Variants in RANBP17 observed in about 807,000 individuals in gnomAD.
The protein encoded by RANBP17 is RAN binding protein 17.
A neutral mutation model predicts 141.2 loss-of-function variants in RANBP17; 158 were observed. The observed-to-expected ratio is 1.12, with a 90% CI of 0.98 to 1.28. The LOEUF is 1.28. RANBP17 is among the 50% of genes most tolerant of loss of function. The pLI, the probability that RANBP17 is intolerant of heterozygous loss-of-function variation, is 0.00. For synonymous variants in RANBP17, 430 were observed against 450.0 expected, an observed-to-expected ratio of 0.96 and a Z score of 0.56; for missense variants, 1,438 against 1,290.7, an observed-to-expected ratio of 1.11 and a Z score of -1.75.
At chr5:170,955,507 A>G (rs868611801) in intron 13 of RANBP17, among the ~76,000 whole-genome samples, 10 of 122,440 alleles carry the variant, frequency 8.2e-5, no homozygotes, top group East Asian at 4.8e-4. Context: ...ATATATATAT[A>G]TGTATATATA....
intron 3 of RANBP17, among the ~76,000 whole-genome samples, chr5:170,890,155 A>G (rs149285689): frequency 0.012 from 1,779 of 152,270 alleles, 32 homozygotes; most frequent in African/African-American, 0.041. Flanking sequence ...CCTAGTGGTC[A>G]CTACTACCCA....
At chr5:171,105,325 T>G (rs1754730536) in intron 14 of RANBP17, among the ~76,000 whole-genome samples, 1 of 128,810 alleles carries the variant, frequency 7.8e-6, no homozygotes, top group South Asian at 2.5e-4. Flanking sequence ...GAGCTTGCAG[T>G]GAGCCGAGAT....
At chr5:170,905,299 A>G (rs1342173507) in intron 5 of RANBP17, among the ~76,000 whole-genome samples, 1 of 152,136 alleles carries the variant, frequency 6.6e-6, no homozygotes, top group Non-Finnish European at 1.5e-5. Context: ...AGAGGAATGT[A>G]GTGTTTAAAA....
At chr5:170,955,588 A>ATATATATATATATATATGCTCAGTG (rs1775594493) in intron 13 of RANBP17, among the ~76,000 whole-genome samples, 2 of 74,870 alleles carry the variant, frequency 2.7e-5, no homozygotes, top group African/African-American at 1.2e-4. Flanking sequence ...GTGTGTATAT[A>ATATATATATATATATATGCTCAGTG]TATATATATA....
chr5:171,018,588 A>G (rs1265989855), intron 14 of RANBP17, among the ~76,000 whole-genome samples: 1 of 152,126 alleles, frequency 6.6e-6, no homozygotes, highest in Non-Finnish European at 1.5e-5. Context: ...AATGCCTGTG[A>G]TTTTTGCACA....
At chr5:171,152,535 T>G (rs908584936) in intron 14 of RANBP17, among the ~76,000 whole-genome samples, 12 of 152,162 alleles carry the variant, frequency 7.9e-5, no homozygotes, top group Non-Finnish European at 1.5e-4. Flanking sequence ...TTCTTCCCAC[T>G]TAGAAATCTC....
chr5:170,880,788 T>C (rs571319700), intron 2 of RANBP17, among the ~76,000 whole-genome samples: 1 of 152,340 alleles, frequency 6.6e-6, no homozygotes, highest in South Asian at 2.1e-4. Flanking sequence ...TTGAAGTCCA[T>C]TTTTATCTTT....
intron 14 of RANBP17, among the ~76,000 whole-genome samples, chr5:171,077,072 A>G (rs1163929995): frequency 6.6e-6 from 1 of 152,044 alleles, no homozygotes; most frequent in Non-Finnish European, 1.5e-5. Flanking sequence ...GGGCGCATTG[A>G]CTCACCCCTG....
intron 14 of RANBP17, among the ~76,000 whole-genome samples, chr5:171,114,784 T>G (rs1249503724): frequency 6.6e-6 from 1 of 151,112 alleles, no homozygotes; most frequent in African/African-American, 2.4e-5. Flanking sequence ...GCTTAAGTAC[T>G]AGGGACACAG....
chr5:171,082,215 A>C (rs1785297106), intron 14 of RANBP17, among the ~76,000 whole-genome samples: 1 of 144,948 alleles, frequency 6.9e-6, no homozygotes, highest in Non-Finnish European at 1.5e-5. Flanking sequence ...TTTTTCATTA[A>C]AATACACACA....
chr5:170,974,913 A>T (rs1203970702), intron 14 of RANBP17, among the ~76,000 whole-genome samples: 1 of 152,044 alleles, frequency 6.6e-6, no homozygotes, highest in Non-Finnish European at 1.5e-5. Context: ...TCCTGTGAGT[A>T]CCCATGGCCC....
At chr5:170,921,695 T>C (rs972052831) in intron 11 of RANBP17, among the ~76,000 whole-genome samples, 1 of 152,178 alleles carries the variant, frequency 6.6e-6, no homozygotes, top group Non-Finnish European at 1.5e-5. Context: ...GCCATTTTCA[T>C]GATATTGATT....
At chr5:171,235,865 A>T (rs1764510926) in intron 22 of RANBP17, among the ~76,000 whole-genome samples, 1 of 152,182 alleles carries the variant, frequency 6.6e-6, no homozygotes, top group African/African-American at 2.4e-5. Context: ...AAGTGCTGGG[A>T]TTACAGATGC....
At chr5:171,056,952 T>C (rs572354471) in intron 14 of RANBP17, among the ~76,000 whole-genome samples, 1 of 152,306 alleles carries the variant, frequency 6.6e-6, no homozygotes, top group Non-Finnish European at 1.5e-5. Flanking sequence ...CATTTTTTAA[T>C]ATAACATGAA....
At chr5:171,230,199 A>G (rs1764126717) in intron 22 of RANBP17, among the ~76,000 whole-genome samples, 1 of 152,210 alleles carries the variant, frequency 6.6e-6, no homozygotes, top group Non-Finnish European at 1.5e-5. Flanking sequence ...TTAGAGTGCC[A>G]TAGGAGCCCA....
At chr5:171,053,912 TA>T (rs1561596566) in intron 14 of RANBP17, among the ~76,000 whole-genome samples, 1,470 of 134,138 alleles carry the variant, frequency 0.011, 110 homozygotes, top group East Asian at 0.026. Flanking sequence ...TATATATATA[TA>T]TATATATATA....
intron 27 of RANBP17, among the ~76,000 whole-genome samples, chr5:171,298,243 G>A (rs1344564466): frequency 2.0e-5 from 3 of 152,012 alleles, no homozygotes; most frequent in East Asian, 1.9e-4. Context: ...CAATATCACC[G>A]GACTCATAAG....
At chr5:171,110,935 T>C (rs1755178523) in intron 14 of RANBP17, among the ~76,000 whole-genome samples, 1 of 151,884 alleles carries the variant, frequency 6.6e-6, no homozygotes, top group African/African-American at 2.4e-5. Context: ...TATGTATACA[T>C]GTGCCATGCT....
At chr5:171,170,291 A>T (rs976180895) in intron 15 of RANBP17, 88 bp downstream of exon 15, 2 of 535,060 alleles carry the variant, frequency 3.7e-6, no homozygotes, top group Middle Eastern at 5.1e-4. Context: ...CTTTTTATAT[A>T]TTAATTTTTA....
Sources: gnomAD v4.1 joint callset for allele counts (sites outside exome capture counted in the v4.1 genomes callset) on GRCh38, gnomAD v4.1.1 for gene constraint, MANE v1.5 for transcripts, NCBI Gene and HGNC (gene_info 2026-07-23, HGNC 2026-07-21) for gene names.